The following CD96 variants were observed in gnomAD, a reference collection of about 807,000 sequenced individuals.
CD96 encodes the protein T-cell surface protein tactile.
Under a neutral mutation model 71.3 loss-of-function variants are expected in CD96, and 70 were observed. The ratio of observed to expected loss-of-function variants is 0.98; its 90% CI spans 0.81 to 1.20. CD96 has a LOEUF of 1.20. CD96 is among the 50% of genes most tolerant of loss of function. CD96 has a pLI of 0.00. For missense variants in CD96, 742 were observed against 677.5 expected, an observed-to-expected ratio of 1.10 and a Z score of -1.06; for synonymous variants, 248 against 233.0, an observed-to-expected ratio of 1.06 and a Z score of -0.59.
chr3:111,589,853 A>G (rs1006379899), intron 5 of CD96, among the ~76,000 whole-genome samples: 14 of 152,204 alleles, frequency 9.2e-5, no homozygotes, highest in African/African-American at 3.4e-4. Flanking sequence ...GTCAAATTCT[A>G]ATTCAACTAC....
chr3:111,554,246 T>A (rs1417028137), intron 2 of CD96, among the ~76,000 whole-genome samples: 1 of 152,090 alleles, frequency 6.6e-6, no homozygotes, highest in African/African-American at 2.4e-5. Context: ...TGTCTTCCAA[T>A]CATGAACTCT....
chr3:111,579,653 G>A (rs1436172291), intron 4 of CD96, among the ~76,000 whole-genome samples: 1 of 152,118 alleles, frequency 6.6e-6, no homozygotes. Context: ...CACATGGCGA[G>A]GGGACAGAGT....
chr3:111,609,365 T>C (rs1372802417), intron 8 of CD96, among the ~76,000 whole-genome samples: 1 of 152,230 alleles, frequency 6.6e-6, no homozygotes, highest in Non-Finnish European at 1.5e-5. Flanking sequence ...AAAGTGGTAT[T>C]ATTTATTCAT....
chr3:111,598,954 T>A (rs1435443992), intron 6 of CD96, among the ~76,000 whole-genome samples: 1 of 151,602 alleles, frequency 6.6e-6, no homozygotes, highest in Middle Eastern at 3.2e-3. Flanking sequence ...TCTTTCTGAA[T>A]TATTTTTATT....
chr3:111,568,562 T>C (rs1008650035), intron 3 of CD96, among the ~76,000 whole-genome samples: 1 of 152,202 alleles, frequency 6.6e-6, no homozygotes, highest in South Asian at 2.1e-4. Flanking sequence ...CTTTATCTAA[T>C]CGGATTTATG....
Position 111,579,241 on chromosome 3 carries a change from G to T in CD96, c.751+7G>T. On this transcript the variant is annotated splice_region_variant and intron_variant, in intron 4 of 13. Coordinates refer to ENST00000352690, the MANE Select transcript of CD96 (RefSeq NM_005816.5). ...ACCACAGTCAAGGTTTTTGGTAAGG[G>T]CTTTTGTTCTACAGACTCACTGGCA... 2.0e-6 allele frequency: 3 copies of T among 1,506,094 alleles called. No individual in the cohort carries two copies. Among genetic ancestry groups the T allele is most frequent in the Non-Finnish European group, 2.8e-6 (3 of 1,081,148 alleles). The allele number at this position is 1,506,094 out of a possible 1,614,324, so 93.3% of individuals were successfully genotyped here.
At chr3:111,607,268 G>A (rs143123879) in intron 8 of CD96, among the ~76,000 whole-genome samples, 1 of 152,142 alleles carries the variant, frequency 6.6e-6, no homozygotes, top group Non-Finnish European at 1.5e-5. Context: ...TTAAGAGATT[G>A]GTTGTAAATG....
At chr3:111,585,271 G>T in intron 4 of CD96, 52 bp from the exon 5 acceptor site, 1 of 1,050,390 alleles carries the variant, frequency 9.5e-7, no homozygotes, top group Non-Finnish European at 1.5e-6. Flanking sequence ...CACACTAGTG[G>T]CCAGGTAGGA....
intron 12 of CD96, among the ~76,000 whole-genome samples, chr3:111,641,382 A>G (rs1939583585): frequency 6.6e-6 from 1 of 152,252 alleles, no homozygotes; most frequent in Non-Finnish European, 1.5e-5. Context: ...TTAAAGCAAC[A>G]GTGGTTAAAA....
chr3:111,570,987 G>T, intron 3 of CD96: 2 of 1,500,834 alleles, frequency 1.3e-6, no homozygotes, highest in African/African-American at 1.4e-5. Context: ...GAAAAGCTGG[G>T]AGGGCATCTC....
At chr3:111,655,652 G>A (rs1264350755), downstream of CD96, among the ~76,000 whole-genome samples, 4 of 152,040 alleles carry the variant, frequency 2.6e-5, no homozygotes, top group Non-Finnish European at 2.9e-5. Context: ...TCTGATGATA[G>A]AAAATTGCTT....
chr3:111,560,304 C>T (rs560138828), intron 2 of CD96, among the ~76,000 whole-genome samples: 4 of 151,964 alleles, frequency 2.6e-5, no homozygotes, highest in South Asian at 2.1e-4. Flanking sequence ...TTCCTAGTCT[C>T]GATGGTCTTT....
intron 2 of CD96, among the ~76,000 whole-genome samples, chr3:111,545,742 T>C (rs938674694): frequency 1.3e-5 from 2 of 151,930 alleles, no homozygotes; most frequent in African/African-American, 4.8e-5. Context: ...TGAGGCAGAG[T>C]GGGATTGTGA....
At chr3:111,658,967 A>G (rs1163271676) in intron 14 of CD96, among the ~76,000 whole-genome samples, 3 of 152,170 alleles carry the variant, frequency 2.0e-5, no homozygotes, top group Non-Finnish European at 4.4e-5. Flanking sequence ...GGATCGTGTC[A>G]GTTCTTTGTA....
intron 2 of CD96, among the ~76,000 whole-genome samples, chr3:111,547,657 G>T (rs942741236): frequency 1.3e-5 from 2 of 152,142 alleles, no homozygotes; most frequent in African/African-American, 4.8e-5. Flanking sequence ...AGTTAAGCTT[G>T]TAGCTACTAA....
chr3:111,574,349 G>T (rs987690670), intron 3 of CD96, among the ~76,000 whole-genome samples: 1 of 152,160 alleles, frequency 6.6e-6, no homozygotes, highest in Middle Eastern at 3.2e-3. Flanking sequence ...GATCATTTCA[G>T]ATTTCAGATT....
downstream of CD96, among the ~76,000 whole-genome samples, chr3:111,653,281 A>C (rs1457413915): frequency 1.3e-5 from 2 of 152,154 alleles, no homozygotes; most frequent in African/African-American, 4.8e-5. Flanking sequence ...CTCACAGCCT[A>C]CCTCAACAGG....
chr3:111,556,192 A>T (rs899813156), intron 2 of CD96, among the ~76,000 whole-genome samples: 2 of 152,170 alleles, frequency 1.3e-5, no homozygotes, highest in African/African-American at 4.8e-5. Context: ...CTTTGAATAG[A>T]CTAATAACAA....
intron 8 of CD96, among the ~76,000 whole-genome samples, chr3:111,621,160 C>T (rs1252214231): frequency 6.6e-6 from 1 of 152,188 alleles, no homozygotes; most frequent in Non-Finnish European, 1.5e-5. Context: ...GCTTATTAGA[C>T]TGAGATTTCT....
Sources: gnomAD v4.1 joint callset for allele counts (sites outside exome capture counted in the v4.1 genomes callset) on GRCh38, gnomAD v4.1.1 for gene constraint, MANE v1.5 for transcripts, NCBI Gene and HGNC (gene_info 2026-07-23, HGNC 2026-07-21) for gene names.